Variants in PMF1 observed in about 807,000 individuals in gnomAD.
PMF1 encodes the protein polyamine modulated factor 1.
Under a neutral mutation model 26.7 loss-of-function variants are expected in PMF1, and 21 were observed. The observed-to-expected ratio is 0.79, with a 90% CI of 0.56 to 1.13. PMF1 has a LOEUF of 1.13. PMF1 is among the 50% of genes most tolerant of loss of function. PMF1 has a pLI of 0.00. For missense variants in PMF1, 266 were observed against 254.9 expected, an observed-to-expected ratio of 1.04 and a Z score of -0.30; for synonymous variants, 105 against 101.0, an observed-to-expected ratio of 1.04 and a Z score of -0.24.
intron 1 of PMF1, among the ~76,000 whole-genome samples, chr1:156,222,809 C>T (rs1188314426): frequency 2.1e-5 from 3 of 141,956 alleles, no homozygotes; most frequent in African/African-American, 2.7e-5. Flanking sequence ...GAGTGTATGG[C>T]GACAGTTCTT....
At position 156,213,181 on chromosome 1, in the gene PMF1, AGTG is replaced by A. The variant is rs2103064737; in HGVS notation, c.161+7_161+9del. 8.1e-6 allele frequency: 13 copies of A among 1,612,168 alleles called. No homozygotes were observed. In the East Asian group the frequency reaches 2.9e-4, roughly 36 times the overall value. ...GAAGCTGGTCGCCGCCGGCAGGTAAAGTGGACGCAGCCGCGGTGGGAGTGTTTG... is the reference window on the plus strand; with the variant it reads ...GAAGCTGGTCGCCGCCGGCAGGTAAAGACGCAGCCGCGGTGGGAGTGTTTG... On this transcript the variant is annotated splice_donor_region_variant and intron_variant, in intron 1 of 4. Transcript: ENST00000368277.
chr1:156,224,553 G>T (rs1658250082), intron 1 of PMF1, among the ~76,000 whole-genome samples: 1 of 152,100 alleles, frequency 6.6e-6, no homozygotes, highest in South Asian at 2.1e-4. Context: ...GAGGCGGGCG[G>T]ATCATGAGGT....
At position 156,213,107 on chromosome 1, in the gene PMF1, C is replaced by G. The variant is rs1483980342; in HGVS notation, c.92C>G (p.Thr31Ser). ...TCGGAATCTGTGCCACCCGGCACTA[C>G]CATTTCGAGGGTGAAGCTCCTCGAC... ...SSSESVPPGT[T>S]ISRVKLLDTM... is the part of the protein sequence containing the mutation. The change falls in exon 1 of 5, where the codon ACC (threonine) becomes AGC (serine). Residue 31 changes from threonine to serine, a missense_variant. By Grantham distance (58) the Thr-to-Ser change is moderately conservative (BLOSUM62 1). Transcript: ENST00000368277. 6.2e-7 allele frequency: 1 copy of G among 1,614,232 alleles called. No homozygotes were observed. The highest frequency in any genetic ancestry group is 8.5e-7 in the Non-Finnish European group (1 of 1,180,022).
chr1:156,216,515 G>C (rs977337575), intron 1 of PMF1, among the ~76,000 whole-genome samples: 1 of 152,132 alleles, frequency 6.6e-6, no homozygotes, highest in Non-Finnish European at 1.5e-5. Flanking sequence ...CTGGCCTACC[G>C]GTGACCCGGC....
intron 3 of PMF1, 31 bp downstream of exon 3, chr1:156,233,759 C>T (rs759403917): frequency 1.9e-6 from 3 of 1,543,520 alleles, no homozygotes; most frequent in Non-Finnish European, 2.6e-6. Flanking sequence ...TGAGAAGGTA[C>T]AGGAAAGAGG....
chr1:156,218,030 T>C (rs1248247464), intron 1 of PMF1, among the ~76,000 whole-genome samples: 1 of 152,232 alleles, frequency 6.6e-6, no homozygotes, highest in Non-Finnish European at 1.5e-5. Context: ...CTTCTCACCG[T>C]CACTGGGTTT....
At position 156,225,010 on chromosome 1, in the gene PMF1, C is replaced by A. The variant is rs371655504; in HGVS notation, c.162-7310C>A. On this transcript the variant is annotated intron_variant, in intron 1 of 4. Transcript: ENST00000368277. ...CGCCTCCCGGGTTAAAGCGATTCTC[C>A]TGCCTCAGCCTCCCGAGTAGCTGGG... Among the ~76,000 whole-genome samples, 796 of 151,922 alleles carry A rather than the reference C, an allele frequency of 5.2e-3. 5 individuals are homozygous for A. The highest frequency in any genetic ancestry group is 0.011 in the Admixed American group (169 of 15,264).
rs530326362 is a variant in PMF1 at position 156,218,864 on chromosome 1, C to T, written c.161+5688C>T. 2.6e-5 allele frequency among the ~76,000 whole-genome samples: 4 copies of T among 151,988 alleles called. No individual in the cohort carries two copies. The East Asian group carries it at 5.8e-4, about 22-fold the overall frequency. On this transcript the variant is annotated intron_variant, in intron 1 of 4. Transcript: ENST00000368277. Reference sequence around the variant, plus strand: ...TAATTTTCATGTAATTACTTCCATTCATTTTTTTTCACCTTATGATTTGTG... The same window carrying T: ...TAATTTTCATGTAATTACTTCCATTTATTTTTTTTCACCTTATGATTTGTG...
At chr1:156,221,059 C>T (rs191868104) in intron 1 of PMF1, among the ~76,000 whole-genome samples, 65 of 152,304 alleles carry the variant, frequency 4.3e-4, no homozygotes, top group Admixed American at 1.0e-3. Context: ...CGACGTCATT[C>T]TCTGCCCCTT....
Position 156,236,368 on chromosome 1 carries a change from G to A in PMF1, c.449G>A (p.Arg150His), listed in dbSNP as rs768500887. Residue 150 changes from arginine to histidine, a missense_variant, in exon 4 of 5, where the codon CGC (arginine) becomes CAC (histidine). Arg to His is a conservative substitution (Grantham distance 29, BLOSUM62 0). Coordinates refer to ENST00000368277, the MANE Select transcript of PMF1 (RefSeq NM_007221.4). ...CTGCAGCAACGGGACACCCTGCGGC[G>A]CCATGTGCAGAAACAGGAGGCCGAG... ...YFLQQRDTLR[R>H]HVQKQEAENQ... 2.0e-5 allele frequency: 33 copies of A among 1,614,084 alleles called. No individual in the cohort carries two copies. The South Asian group carries it at 2.5e-4, about 12-fold the overall frequency.
intron 1 of PMF1, among the ~76,000 whole-genome samples, chr1:156,225,891 G>A (rs2540171): frequency 0.21 from 32,289 of 152,100 alleles, 4,127 homozygotes; most frequent in Non-Finnish European, 0.29. Flanking sequence ...GTCTCACTCT[G>A]TTGCCCAGGC....
In PMF1 at chr1:156,236,175, A is replaced by C. The variant is rs1658998469; in HGVS notation, c.369-113A>C. 4 of 1,457,944 alleles carry C rather than the reference A, an allele frequency of 2.7e-6. No individual in the cohort carries two copies. In the East Asian group the frequency reaches 9.2e-5, roughly 34 times the overall value. The allele number at this position is 1,457,944 out of a possible 1,614,324, so 90.3% of individuals were successfully genotyped here. A position where few individuals can be genotyped will look rare whatever the true frequency, so the allele number is the denominator to read the frequency against. On this transcript the variant is annotated intron_variant, in intron 3 of 4. Coordinates refer to ENST00000368277, the MANE Select transcript of PMF1 (RefSeq NM_007221.4). ...GACCACAGGAGAGACCTGGGAAGCC[A>C]GCCCAACTTGGGACAAGGTGGGCAT...
chr1:156,233,794 T>A, intron 3 of PMF1, 66 bp downstream of exon 3: 19 of 1,503,060 alleles, frequency 1.3e-5, no homozygotes, highest in Non-Finnish European at 1.5e-5. Flanking sequence ...TTTTTTTTTT[T>A]TTCTAGAGTC....
chr1:156,230,038 A>G (rs1658606579), intron 1 of PMF1, among the ~76,000 whole-genome samples: 2 of 152,204 alleles, frequency 1.3e-5, no homozygotes, highest in South Asian at 4.1e-4. Context: ...ACCTGTTTCC[A>G]AAAACATTGT....
chr1:156,236,213 G>A, intron 3 of PMF1, 75 bp from the exon 4 acceptor site: 1 of 1,541,592 alleles, frequency 6.5e-7, no homozygotes, highest in African/African-American at 1.4e-5. Flanking sequence ...CACCGAGTGT[G>A]GGCTTGGAAG....
At chr1:156,239,436 T>C in intron 4 of PMF1, 112 bp from the exon 5 acceptor site, 1 of 784,668 alleles carries the variant, frequency 1.3e-6, no homozygotes, top group Non-Finnish European at 2.2e-6. Context: ...AGCCACAGAC[T>C]CCATCCATAT....
intron 1 of PMF1, among the ~76,000 whole-genome samples, chr1:156,228,398 C>T (rs1441116879): frequency 6.6e-6 from 1 of 150,758 alleles, no homozygotes; most frequent in Non-Finnish European, 1.5e-5. Flanking sequence ...TCACCTTCTT[C>T]CTGTACTCAC....
rs1470664107 is a variant in PMF1 at position 156,240,026 on chromosome 1, C to T, written c.*425C>T. On this transcript the variant is annotated 3_prime_UTR_variant, in exon 5 of 5. Transcript: ENST00000368277. Reference sequence around the variant, plus strand: ...TCTCTCCACATCCGTAAATAAACTTCCTTCACTACACTGTAATCTGTGAGC... The same window carrying T: ...TCTCTCCACATCCGTAAATAAACTTTCTTCACTACACTGTAATCTGTGAGC... The T allele has an allele frequency of 1.2e-5, 2 of 168,458 alleles. No individual in the cohort carries two copies. Among genetic ancestry groups the T allele is most frequent in the African/African-American group, 4.8e-5 (2 of 42,006 alleles). 10.4% of individuals were successfully genotyped at this position (168,458 alleles called of 1,614,324 possible).
chr1:156,233,520 C>A, intron 2 of PMF1, 108 bp from the exon 3 acceptor site: 1 of 1,092,136 alleles, frequency 9.2e-7, no homozygotes, highest in Non-Finnish European at 1.3e-6. Context: ...GCATAAAGAC[C>A]TAGAACAGAA....
Sources: gnomAD v4.1 joint callset for allele counts (sites outside exome capture counted in the v4.1 genomes callset) on GRCh38, gnomAD v4.1.1 for gene constraint, MANE v1.5 for transcripts, NCBI Gene and HGNC (gene_info 2026-07-23, HGNC 2026-07-21) for gene names.